FAM135A: variants seen among roughly 807,000 people sequenced by gnomAD.
FAM135A encodes protein FAM135A.
Under a neutral mutation model 146.8 loss-of-function variants are expected in FAM135A, and 79 were observed. The ratio of observed to expected loss-of-function variants is 0.54; its 90% CI spans 0.45 to 0.65. The LOEUF is 0.65. Among genes scored for constraint, FAM135A ranks in the 30% least tolerant of loss-of-function variants. The pLI is 0.00. For missense variants in FAM135A, 1,623 were observed against 1,758.2 expected (o/e 0.92, Z 1.38); for synonymous variants, 562 against 603.6 (o/e 0.93, Z 1.01).
chr6:70,414,310 C>G (rs542072865), intron 1 of FAM135A, among the ~76,000 whole-genome samples: 1 of 152,096 alleles, frequency 6.6e-6, no homozygotes, highest in Non-Finnish European at 1.5e-5. Flanking sequence ...TGTTAGTTGC[C>G]GATTGTGTTT....
intron 5 of FAM135A, among the ~76,000 whole-genome samples, chr6:70,474,824 C>T (rs1224081049): frequency 2.6e-5 from 4 of 152,104 alleles, no homozygotes; most frequent in South Asian, 2.1e-4. Context: ...TCGCCCATGT[C>T]GCTCAGTCTT....
chr6:70,414,271 C>T (rs573157183), intron 1 of FAM135A, among the ~76,000 whole-genome samples: 79 of 152,308 alleles, frequency 5.2e-4, no homozygotes, highest in African/African-American at 1.9e-3. Context: ...CATCCACCTC[C>T]TTTCGGTACT....
chr6:70,451,236 A>T (rs1478472351), intron 4 of FAM135A, among the ~76,000 whole-genome samples: 2 of 152,226 alleles, frequency 1.3e-5, no homozygotes, highest in African/African-American at 4.8e-5. Flanking sequence ...TTGTGAATGT[A>T]CGCTATGAAT....
chr6:70,430,200 G>A (rs1407617091), intron 4 of FAM135A, among the ~76,000 whole-genome samples: 1 of 152,092 alleles, frequency 6.6e-6, no homozygotes, highest in Non-Finnish European at 1.5e-5. Flanking sequence ...ACCCAGGTGT[G>A]GTGGTGGACG....
rs539386713 is a variant in FAM135A, at chr6:70,465,862, G to A, written c.158-9548G>A. On this transcript the variant is annotated intron_variant, in intron 5 of 21. Coordinates refer to ENST00000418814, the MANE Select transcript of FAM135A (RefSeq NM_001162529.3). ...TAAATGAGACAAGGTCCTTGCCTTCGAGAAATCTCCATTTCTTCCTCCTGA... is the reference window on the plus strand; with the variant it reads ...TAAATGAGACAAGGTCCTTGCCTTCAAGAAATCTCCATTTCTTCCTCCTGA... Among the ~76,000 whole-genome samples, 5 of 152,206 alleles carry A rather than the reference G, an allele frequency of 3.3e-5. No homozygotes were observed. In the South Asian group the frequency reaches 1.0e-3, roughly 32 times the overall value.
chr6:70,513,076 A>G (rs1047996536), intron 12 of FAM135A, among the ~76,000 whole-genome samples: 5 of 151,762 alleles, frequency 3.3e-5, no homozygotes, highest in African/African-American at 7.2e-5. Context: ...TTGAAAATCA[A>G]TTGACTAATA....
At chr6:70,554,235 T>G (rs929900839) in intron 20 of FAM135A, among the ~76,000 whole-genome samples, 1 of 152,254 alleles carries the variant, frequency 6.6e-6, no homozygotes, top group East Asian at 1.9e-4. Flanking sequence ...TGCCTTATAT[T>G]GAAATCACTA....
intron 15 of FAM135A, among the ~76,000 whole-genome samples, chr6:70,527,647 A>G (rs185218143): frequency 5.8e-4 from 88 of 152,276 alleles, no homozygotes; most frequent in African/African-American, 2.0e-3. Context: ...TCACTTTATC[A>G]GTCCAAATGA....
Position 70,525,595 on chromosome 6 carries a change from G to T in FAM135A, c.2511G>T (p.Leu837Phe). 6.2e-7 allele frequency: 1 copy of T among 1,613,464 alleles called. No homozygotes were observed. The highest frequency in any genetic ancestry group is 1.1e-5 in the South Asian group (1 of 91,014). Residue 837 changes from leucine (L) to phenylalanine (F), a missense_variant, in exon 15 of 22, where the codon TTG becomes TTT. This residue lies in a region of FAM135A where 1,061 missense variants were observed against 1,113.8 expected (regional missense o/e 0.95). Transcript: ENST00000418814. ...CTATAAGTGAAATACAGTCATCTTTGACATCCATAAACTCTCTACCCTCCG... is the reference window on the plus strand; with the variant it reads ...CTATAAGTGAAATACAGTCATCTTTTACATCCATAAACTCTCTACCCTCCG... ...TSAISEIQSS[L>F]TSINSLPSDD...
At chr6:70,466,913 A>G (rs1438460391) in intron 5 of FAM135A, among the ~76,000 whole-genome samples, 1 of 152,224 alleles carries the variant, frequency 6.6e-6, no homozygotes, top group Non-Finnish European at 1.5e-5. Flanking sequence ...AATCCGAACT[A>G]CATTGGTCAC....
rs80065348 is a variant in FAM135A at position 70,514,926 on chromosome 6, T to C, written c.1030-7587T>C. On this transcript the variant is annotated intron_variant, in intron 12 of 21. Coordinates refer to ENST00000418814, the MANE Select transcript of FAM135A (RefSeq NM_001162529.3). ...CCAGAACATTCTGTCCTTAACAAAATGTGCCTCAGTAGAAACTATCTTATC... is the reference window on the plus strand; with the variant it reads ...CCAGAACATTCTGTCCTTAACAAAACGTGCCTCAGTAGAAACTATCTTATC... Among the ~76,000 whole-genome samples the C allele has an allele frequency of 3.8e-3, 576 of 152,298 alleles. 9 individuals carry two copies. The highest frequency in any genetic ancestry group is 0.025 in the Admixed American group (380 of 15,294).
At chr6:70,464,876 G>A (rs550747244) in intron 5 of FAM135A, among the ~76,000 whole-genome samples, 196 of 125,454 alleles carry the variant, frequency 1.6e-3, no homozygotes, top group Non-Finnish European at 2.7e-3. Context: ...TAGAGATGGG[G>A]TTTCACCATG....
At chr6:70,551,560 A>G (rs1799839608) in intron 20 of FAM135A, among the ~76,000 whole-genome samples, 3 of 152,352 alleles carry the variant, frequency 2.0e-5, no homozygotes, top group Admixed American at 2.0e-4. Flanking sequence ...GCAATGAGTC[A>G]TGATTGCACC....
intron 8 of FAM135A, among the ~76,000 whole-genome samples, chr6:70,479,403 A>G (rs540128028): frequency 2.2e-4 from 34 of 152,214 alleles, no homozygotes; most frequent in South Asian, 4.1e-4. Flanking sequence ...GGCTCTGGTT[A>G]GTGACTAGAA....
chr6:70,541,234 T>A (rs1797860312), intron 20 of FAM135A, among the ~76,000 whole-genome samples: 1 of 152,222 alleles, frequency 6.6e-6, no homozygotes, highest in Non-Finnish European at 1.5e-5. Flanking sequence ...TCTCTTATTC[T>A]GTACTTGTCC....
chr6:70,520,916 CTT>C (rs1282695159), intron 12 of FAM135A, among the ~76,000 whole-genome samples: 1 of 152,198 alleles, frequency 6.6e-6, no homozygotes, highest in Non-Finnish European at 1.5e-5. Context: ...AACAAGGAGT[CTT>C]AATGCAGAAA....
At chr6:70,536,724 AAC>A (rs1213752830) in intron 19 of FAM135A, among the ~76,000 whole-genome samples, 1 of 151,964 alleles carries the variant, frequency 6.6e-6, no homozygotes, top group African/African-American at 2.4e-5. Context: ...CCATTACTTG[AAC>A]AGATAACAAA....
intron 4 of FAM135A, among the ~76,000 whole-genome samples, chr6:70,449,565 G>A (rs1328354663): frequency 6.6e-6 from 1 of 152,008 alleles, no homozygotes; most frequent in African/African-American, 2.4e-5. Flanking sequence ...CATTCATGTT[G>A]TTGCAAATGA....
chr6:70,484,520 G>A (rs572422735), intron 10 of FAM135A, among the ~76,000 whole-genome samples: 1 of 152,064 alleles, frequency 6.6e-6, no homozygotes, highest in Admixed American at 6.5e-5. Flanking sequence ...TTTGGCACCA[G>A]GGACCAGTTT....
Sources: gnomAD v4.1 joint callset for allele counts (sites outside exome capture counted in the v4.1 genomes callset) on GRCh38, gnomAD v4.1.1 for gene constraint, gnomAD v4.1.1 regional missense constraint, MANE v1.5 for transcripts, NCBI Gene and HGNC (gene_info 2026-07-23, HGNC 2026-07-21) for gene names.